IQSEC1: variants seen among roughly 807,000 people sequenced by gnomAD.
IQSEC1 encodes IQ motif and SEC7 domain-containing protein 1.
IQSEC1 carries 31 observed loss-of-function variants against 91.0 expected under a neutral mutation model. The ratio of observed to expected loss-of-function variants is 0.34; its 90% CI spans 0.26 to 0.46. IQSEC1 has a LOEUF of 0.46. Ranked by LOEUF, IQSEC1 falls within the 20% of genes least tolerant of loss-of-function variation. IQSEC1 has a pLI of 1.00. For missense variants in IQSEC1, 1,388 were observed against 1,575.6 expected, an observed-to-expected ratio of 0.88 and a Z score of 2.02; for synonymous variants, 699 against 662.6, an observed-to-expected ratio of 1.05 and a Z score of -0.84.
At chr3:13,095,605 C>T (rs1050107233) in intron 2 of IQSEC1, among the ~76,000 whole-genome samples, 8 of 152,152 alleles carry the variant, frequency 5.3e-5, no homozygotes, top group Non-Finnish European at 7.4e-5. Flanking sequence ...TTTTCCGCCA[C>T]TCCATGACAC....
At chr3:13,084,163 G>C (rs930064428) in intron 2 of IQSEC1, among the ~76,000 whole-genome samples, 4 of 152,196 alleles carry the variant, frequency 2.6e-5, no homozygotes, top group Non-Finnish European at 4.4e-5. Flanking sequence ...TGGGGGTTGT[G>C]GGTTTTTCCA....
At chr3:12,978,144 A>C (rs1009654062) in intron 1 of IQSEC1, among the ~76,000 whole-genome samples, 1 of 152,214 alleles carries the variant, frequency 6.6e-6, no homozygotes, top group Non-Finnish European at 1.5e-5. Flanking sequence ...AAATTCTACA[A>C]GGTGCGGATT....
chr3:13,246,627 C>A (rs1354513252), intron 1 of IQSEC1, among the ~76,000 whole-genome samples: 1 of 152,194 alleles, frequency 6.6e-6, no homozygotes, highest in African/African-American at 2.4e-5. Context: ...AGGCGGCAGA[C>A]CCCTGTGCTC....
At chr3:12,959,289 G>A (rs997322982) in intron 1 of IQSEC1, among the ~76,000 whole-genome samples, 11 of 152,192 alleles carry the variant, frequency 7.2e-5, no homozygotes, top group Admixed American at 4.6e-4. Flanking sequence ...CTGGCTACAC[G>A]TCCTGGCAAG....
At chr3:13,191,119 C>T (rs1694022193) in intron 1 of IQSEC1, among the ~76,000 whole-genome samples, 2 of 152,370 alleles carry the variant, frequency 1.3e-5, no homozygotes, top group African/African-American at 4.8e-5. Flanking sequence ...CCATGTTTTA[C>T]ATTCAGCCGT....
upstream of IQSEC1, among the ~76,000 whole-genome samples, chr3:13,077,380 A>ACT (rs1705579790): frequency 6.6e-6 from 1 of 151,956 alleles, no homozygotes; most frequent in Non-Finnish European, 1.5e-5. Context: ...TGGTGAATTC[A>ACT]CTCTGTAGTG....
chr3:12,971,497 C>A (rs1700894046), intron 1 of IQSEC1, among the ~76,000 whole-genome samples: 1 of 152,170 alleles, frequency 6.6e-6, no homozygotes, highest in African/African-American at 2.4e-5. Context: ...TCAATGGAGT[C>A]CCATGTTAAA....
At position 13,089,371 on chromosome 3, in the gene IQSEC1, G is replaced by T. The variant is rs114232820; in HGVS notation, c.303-41849C>A. On this transcript the variant is annotated intron_variant, in intron 2 of 15. Coordinates refer to the IQSEC1 transcript ENST00000648114. ...GAGGCTGGAGAATTACTTGAGCCCA[G>T]GAGTTTGATACCATACTGGGCAACA... 2.4e-3 allele frequency among the ~76,000 whole-genome samples: 372 copies of T among 152,328 alleles called. 2 individuals carry two copies. Among genetic ancestry groups the T allele is most frequent in the African/African-American group, 8.5e-3 (353 of 41,574 alleles).
In IQSEC1 at chr3:13,160,505, T is replaced by A. The variant is rs117991927; in HGVS notation, c.302+3599A>T. Among the ~76,000 whole-genome samples the A allele has an allele frequency of 8.0e-3, 1,225 of 152,238 alleles. 30 individuals carry two copies. The highest frequency in any genetic ancestry group is 0.068 in the East Asian group (355 of 5,184). On this transcript the variant is annotated intron_variant, in intron 2 of 15. Transcript: ENST00000648114. ...TAGCACAAGCCATGAGCTCTCAAGG[T>A]CAGTCATATTTTCCTTAGGCAAATA...
intron 1 of IQSEC1, among the ~76,000 whole-genome samples, chr3:13,248,699 A>G (rs1695145861): frequency 6.6e-6 from 1 of 152,218 alleles, no homozygotes; most frequent in Non-Finnish European, 1.5e-5. Flanking sequence ...TTGGGATAGC[A>G]CCTGGTGTGG....
chr3:12,932,959 G>A (rs1003940082), intron 3 of IQSEC1, among the ~76,000 whole-genome samples: 4 of 152,232 alleles, frequency 2.6e-5, no homozygotes, highest in African/African-American at 9.6e-5. Flanking sequence ...CTTCGTTTCT[G>A]TTCTTCCTCC....
intron 2 of IQSEC1, among the ~76,000 whole-genome samples, chr3:13,135,899 C>T (rs573085610): frequency 1.3e-5 from 2 of 152,198 alleles, no homozygotes; most frequent in Admixed American, 6.5e-5. Flanking sequence ...GCGCAGACCC[C>T]GTGCCTAGCA....
Position 12,909,468 on chromosome 3 carries a change from G to C in IQSEC1, c.2417-34C>G, listed in dbSNP as rs756345213. ...GGGAAGGAGAGGGGAGGAGGCCCAC[G>C]GGTCTCAGTGTGTTCTCTGCAATCT... On this transcript the variant is annotated intron_variant, in intron 10 of 13. Coordinates refer to ENST00000613206, the MANE Select transcript of IQSEC1 (RefSeq NM_001134382.3). The surrounding 1 kb of genome is among the most constrained non-coding windows in gnomAD (Gnocchi z 4.9). The C allele has an allele frequency of 2.4e-5, 39 of 1,595,260 alleles. No individual in the cohort carries two copies. In the South Asian group the frequency reaches 3.4e-4, roughly 14 times the overall value.
intron 1 of IQSEC1, among the ~76,000 whole-genome samples, chr3:13,189,042 C>T (rs182355611): frequency 3.4e-4 from 52 of 152,384 alleles, no homozygotes; most frequent in Non-Finnish European, 5.9e-4. Context: ...TCTCTCTCAC[C>T]TGTGTCCCAA....
At chr3:12,928,420 C>T (rs1162325282) in intron 3 of IQSEC1, among the ~76,000 whole-genome samples, 1 of 152,190 alleles carries the variant, frequency 6.6e-6, no homozygotes. Flanking sequence ...TCGCTGCTGA[C>T]CTGAGGGGAA....
chr3:13,110,603 A>T (rs1706227579), intron 2 of IQSEC1, among the ~76,000 whole-genome samples: 1 of 151,910 alleles, frequency 6.6e-6, no homozygotes, highest in African/African-American at 2.4e-5. Flanking sequence ...AACTGTCCTG[A>T]CTCTGTCTTC....
At chr3:13,058,027 C>A (rs752132055) in intron 1 of IQSEC1, among the ~76,000 whole-genome samples, 3 of 152,254 alleles carry the variant, frequency 2.0e-5, no homozygotes, top group Non-Finnish European at 4.4e-5. Flanking sequence ...AATCCCCATA[C>A]TTTGGGAGGC....
chr3:13,202,302 G>GTA (rs1277408192), intron 1 of IQSEC1, among the ~76,000 whole-genome samples: 5 of 152,140 alleles, frequency 3.3e-5, no homozygotes, highest in African/African-American at 9.7e-5. Flanking sequence ...CCTCTTCTGG[G>GTA]TATATATAGG....
chr3:12,926,210 T>C (rs1229656844), intron 3 of IQSEC1, among the ~76,000 whole-genome samples: 1 of 151,730 alleles, frequency 6.6e-6, no homozygotes, highest in Non-Finnish European at 1.5e-5. Flanking sequence ...CTCAGGAGGC[T>C]GAGGCAGGAG....
Sources: allele counts gnomAD v4.1 joint callset (sites outside exome capture counted in the v4.1 genomes callset), GRCh38; gene constraint gnomAD v4.1.1; non-coding constraint Gnocchi (gnomAD v3.1); transcripts MANE v1.5; gene names NCBI Gene and HGNC (gene_info 2026-07-23, HGNC 2026-07-21).